PRDM16: variants seen among roughly 807,000 people sequenced by gnomAD.
PRDM16 encodes PR/SET domain 16.
A neutral mutation model predicts 110.6 loss-of-function variants in PRDM16; 23 were observed. The ratio of observed to expected loss-of-function variants is 0.21; its 90% CI spans 0.15 to 0.29. PRDM16 has a LOEUF of 0.29. Ranked by LOEUF, PRDM16 falls within the 10% of genes least tolerant of loss-of-function variation. The probability of loss-of-function intolerance (pLI) is 1.00; values close to 1 mark genes in which losing one functional copy is unlikely to be tolerated. For synonymous variants in PRDM16, 799 were observed against 781.8 expected, an observed-to-expected ratio of 1.02 and a Z score of -0.37; for missense variants, 1,615 against 1,794.3, an observed-to-expected ratio of 0.90 and a Z score of 1.81.
chr1:3,211,899 C>T (rs1380636341), intron 2 of PRDM16, among the ~76,000 whole-genome samples: 5 of 152,206 alleles, frequency 3.3e-5, no homozygotes, highest in Admixed American at 1.3e-4. Flanking sequence ...TGTGTATCCG[C>T]GGCTGCTCCA....
chr1:3,237,935 A>G (rs1290662640), intron 2 of PRDM16: 1 of 152,284 alleles, frequency 6.6e-6, no homozygotes, highest in African/African-American at 2.4e-5. Flanking sequence ...GGAGCAAAGC[A>G]CAAGGCCCCA....
rs1045773011 is a variant in PRDM16, at chr1:3,300,598, G to A, written c.438+56461G>A. Among the ~76,000 whole-genome samples the A allele has an allele frequency of 2.6e-5, 4 of 152,218 alleles. 1 individual carries two copies. Among genetic ancestry groups the A allele is most frequent in the Non-Finnish European group, 5.9e-5 (4 of 68,036 alleles). On this transcript the variant is annotated intron_variant, in intron 3 of 16. Transcript: ENST00000270722. ...CTCCAGCAATTCTTCGTTCCCTGGA[G>A]CCTCGGAACCGCGGTGCAACTGGGG... is the stretch of plus-strand genomic sequence containing the variant.
intron 2 of PRDM16, among the ~76,000 whole-genome samples, chr1:3,218,045 G>A (rs1268043156): frequency 5.3e-5 from 8 of 152,244 alleles, no homozygotes; most frequent in African/African-American, 1.9e-4. Flanking sequence ...AGGCCCTGGG[G>A]CGAGCCCCTC....
At chr1:3,136,073 TG>T (rs141340477) in intron 1 of PRDM16, among the ~76,000 whole-genome samples, 12,532 of 152,054 alleles carry the variant, frequency 0.082, 1,247 homozygotes, top group African/African-American at 0.23. Flanking sequence ...GGGGCGGGGC[TG>T]GGGGCAGAAC....
chr1:3,267,339 C>T (rs969745578), intron 3 of PRDM16, among the ~76,000 whole-genome samples: 1 of 152,172 alleles, frequency 6.6e-6, no homozygotes, highest in African/African-American at 2.4e-5. Context: ...TAGCTCGTGT[C>T]GGAGCTCTGT....
intron 3 of PRDM16, among the ~76,000 whole-genome samples, chr1:3,327,520 T>C (rs1641942258): frequency 2.0e-5 from 3 of 152,190 alleles, no homozygotes; most frequent in African/African-American, 7.2e-5. Context: ...AGGGATTCTG[T>C]TGCCCGGCAG....
intron 2 of PRDM16, chr1:3,207,216 A>C (rs1454311229): frequency 6.6e-6 from 1 of 152,220 alleles, no homozygotes; most frequent in African/African-American, 2.4e-5. Flanking sequence ...TATGACTTGG[A>C]AATAAATTCG....
chr1:3,114,155 A>ACG (rs1206328631), intron 1 of PRDM16, among the ~76,000 whole-genome samples: 2 of 139,512 alleles, frequency 1.4e-5, no homozygotes, highest in Admixed American at 7.4e-5. Context: ...GCACACACGC[A>ACG]CACACACACG....
rs1429023529 is a variant in PRDM16 at position 3,081,944 on chromosome 1, G to A, written c.37+12648G>A. Among the ~76,000 whole-genome samples, 1 of 152,224 alleles carries A rather than the reference G, an allele frequency of 6.6e-6. No individual in the cohort carries two copies. Among genetic ancestry groups the A allele is most frequent in the Non-Finnish European group, 1.5e-5 (1 of 68,042 alleles). ...GTCAGGATGGGCAGATGAAGCCACA[G>A]TGTGCCAAGGCAGCGGCAAAGCCCC... On this transcript the variant is annotated intron_variant, in intron 1 of 16. Transcript: ENST00000270722. This position sits in a 1 kb window ranked among gnomAD's most constrained non-coding sequence, Gnocchi z 4.6.
At chr1:3,322,650 T>G (rs1448266793) in intron 3 of PRDM16, among the ~76,000 whole-genome samples, 1 of 152,070 alleles carries the variant, frequency 6.6e-6, no homozygotes, top group African/African-American at 2.4e-5. Flanking sequence ...CAGCCTCCAG[T>G]CCACAGGCCA....
intron 1 of PRDM16, among the ~76,000 whole-genome samples, chr1:3,165,787 G>A (rs1421800481): frequency 1.3e-5 from 1 of 77,072 alleles, no homozygotes; most frequent in Non-Finnish European, 2.2e-5. Flanking sequence ...CAGGGCTCAG[G>A]GACAGGGACT....
intron 3 of PRDM16, among the ~76,000 whole-genome samples, chr1:3,326,376 T>C (rs1407109221): frequency 6.6e-6 from 1 of 152,246 alleles, no homozygotes; most frequent in Non-Finnish European, 1.5e-5. Context: ...CAAAGATGCT[T>C]TTTCCAGAAA....
intron 3 of PRDM16, among the ~76,000 whole-genome samples, chr1:3,284,825 C>T (rs1640810244): frequency 6.6e-6 from 1 of 152,200 alleles, no homozygotes; most frequent in African/African-American, 2.4e-5. Flanking sequence ...CCCGCCCAGG[C>T]CAGGGCAGAG....
intron 1 of PRDM16, among the ~76,000 whole-genome samples, chr1:3,158,758 T>C (rs902480986): frequency 6.6e-6 from 1 of 151,684 alleles, no homozygotes; most frequent in African/African-American, 2.4e-5. Flanking sequence ...TCTTTCTTTC[T>C]TTCTTTCTTT....
At position 3,194,647 on chromosome 1, in the gene PRDM16, C is replaced by CGCCACCGTCTCCCCGCCACAT. The variant is rs1162889237; in HGVS notation, c.387+8184_387+8204dup. On this transcript the variant is annotated intron_variant, in intron 2 of 16. Coordinates refer to ENST00000270722, the MANE Select transcript of PRDM16 (RefSeq NM_022114.4). ...CACACGCCACCGTCTCCCCGCCACACGCCACCGTCTCCCCGCCACATGCCA... is the reference window on the plus strand; with the variant it reads ...CACACGCCACCGTCTCCCCGCCACACGCCACCGTCTCCCCGCCACATGCCACCGTCTCCCCGCCACATGCCA... Among the ~76,000 whole-genome samples the CGCCACCGTCTCCCCGCCACAT allele has an allele frequency of 3.0e-3, 380 of 125,374 alleles. 2 individuals are homozygous for CGCCACCGTCTCCCCGCCACAT. The highest frequency in any genetic ancestry group is 4.7e-3 in the African/African-American group (126 of 26,836). The allele number at this position is 125,374 out of a possible 152,430, so 82.3% of individuals were successfully genotyped here.
At chr1:3,079,802 C>G (rs183383904) in intron 1 of PRDM16, among the ~76,000 whole-genome samples, 19 of 152,318 alleles carry the variant, frequency 1.2e-4, no homozygotes. Context: ...GTACAACACA[C>G]ACACCTGCAG....
Position 3,243,171 on chromosome 1 carries a change from G to A in PRDM16, c.388-916G>A, listed in dbSNP as rs567071444. ...CCTCTGTCCACACGTGGGTGAGGGG[G>A]TGGGAGCTCCTGTGTGGCCCACAGC... On this transcript the variant is annotated intron_variant, in intron 2 of 16. Transcript: ENST00000270722. The surrounding 1 kb of genome is among the most constrained non-coding windows in gnomAD (Gnocchi z 5.5). 6.6e-6 allele frequency among the ~76,000 whole-genome samples: 1 copy of A among 152,344 alleles called. No homozygotes were observed. The highest frequency in any genetic ancestry group is 2.4e-5 in the African/African-American group (1 of 41,576).
intron 1 of PRDM16, among the ~76,000 whole-genome samples, chr1:3,100,468 G>T (rs1048847401): frequency 1.3e-4 from 20 of 152,094 alleles, no homozygotes; most frequent in Non-Finnish European, 2.5e-4. Context: ...GTGTGGGGCA[G>T]GTGAGCTGCT....
At chr1:3,118,045 C>G (rs930130631) in intron 1 of PRDM16, among the ~76,000 whole-genome samples, 1 of 151,780 alleles carries the variant, frequency 6.6e-6, no homozygotes. Context: ...TGTGTGCATG[C>G]TCATGCTGTG....
Sources: gnomAD v4.1 joint callset for allele counts (sites outside exome capture counted in the v4.1 genomes callset) on GRCh38, gnomAD v4.1.1 for gene constraint, Gnocchi (gnomAD v3.1) non-coding constraint, MANE v1.5 for transcripts, NCBI Gene and HGNC (gene_info 2026-07-23, HGNC 2026-07-21) for gene names.